Variants in TRERF1 observed in about 807,000 individuals in gnomAD.
TRERF1 encodes transcriptional-regulating factor 1.
Under a neutral mutation model 122.9 loss-of-function variants are expected in TRERF1, and 27 were observed. That is an observed-to-expected ratio of 0.22 (90% confidence interval 0.16 to 0.30). The LOEUF (loss-of-function observed/expected upper bound fraction) is 0.30, where lower values mean the gene tolerates loss of function less well. Ranked by LOEUF, TRERF1 falls within the 10% of genes least tolerant of loss-of-function variation. The probability of loss-of-function intolerance (pLI) is 1.00; values close to 1 mark genes in which losing one functional copy is unlikely to be tolerated. For synonymous variants in TRERF1, 636 were observed against 641.7 expected (o/e 0.99, Z 0.13); for missense variants, 1,248 against 1,560.3 (o/e 0.80, Z 3.37).
At chr6:42,387,269 T>G (rs965810604) in intron 2 of TRERF1, among the ~76,000 whole-genome samples, 1 of 152,208 alleles carries the variant, frequency 6.6e-6, no homozygotes, top group African/African-American at 2.4e-5. Flanking sequence ...AATACAAATC[T>G]AAGGAAATGC....
At position 42,254,847 on chromosome 6, in the gene TRERF1, C is replaced by CT; in HGVS notation, c.2656+3dup. On this transcript the variant is annotated splice_donor_region_variant and intron_variant, in intron 13 of 17. Coordinates refer to ENST00000372922, the Ensembl canonical transcript of TRERF1. ...AACAGGACACAGGGCTCCTGGCAACCTACCGGCATAGTGGTAATTTGCTAA... is the reference window on the plus strand; with the variant it reads ...AACAGGACACAGGGCTCCTGGCAACCTTACCGGCATAGTGGTAATTTGCTAA... 1 of 1,614,142 alleles carries CT rather than the reference C, an allele frequency of 6.2e-7. No homozygotes were observed. The highest frequency in any genetic ancestry group is 8.5e-7 in the Non-Finnish European group (1 of 1,179,986).
At chr6:42,343,995 C>T (rs920762181) in intron 3 of TRERF1, among the ~76,000 whole-genome samples, 2 of 152,222 alleles carry the variant, frequency 1.3e-5, no homozygotes, top group African/African-American at 4.8e-5. Context: ...ATTCCTGCCC[C>T]AACCATCCCT....
intron 2 of TRERF1, among the ~76,000 whole-genome samples, chr6:42,385,917 T>C (rs1776717531): frequency 6.6e-6 from 1 of 152,200 alleles, no homozygotes; most frequent in African/African-American, 2.4e-5. Flanking sequence ...GAGGTATGTG[T>C]TTTACAGTTG....
chr6:42,311,182 G>A (rs751124772), intron 3 of TRERF1, among the ~76,000 whole-genome samples: 5 of 152,202 alleles, frequency 3.3e-5, no homozygotes, highest in Non-Finnish European at 7.3e-5. Context: ...CAAGTAAGCA[G>A]GCATGTGTGC....
chr6:42,308,979 G>C (rs956843678), intron 3 of TRERF1, among the ~76,000 whole-genome samples: 3 of 152,012 alleles, frequency 2.0e-5, no homozygotes, highest in Non-Finnish European at 4.4e-5. Context: ...AATGACCGAT[G>C]GTTAATTTTA....
chr6:42,292,692 T>A (rs1197281222), intron 4 of TRERF1, among the ~76,000 whole-genome samples: 1 of 152,138 alleles, frequency 6.6e-6, no homozygotes, highest in Non-Finnish European at 1.5e-5. Context: ...TTTTCTACTT[T>A]CTGGGATATG....
intron 2 of TRERF1, among the ~76,000 whole-genome samples, chr6:42,415,777 T>G (rs983095751): frequency 6.6e-6 from 1 of 152,168 alleles, no homozygotes; most frequent in Admixed American, 6.5e-5. Flanking sequence ...ATGTTTACCA[T>G]GTATCAGAGC....
At chr6:42,334,063 A>G (rs1308792763) in intron 3 of TRERF1, among the ~76,000 whole-genome samples, 1 of 152,180 alleles carries the variant, frequency 6.6e-6, no homozygotes, top group Admixed American at 6.5e-5. Flanking sequence ...ATGTACATAT[A>G]CACATGCACA....
At chr6:42,357,136 C>A (rs1770719287) in intron 3 of TRERF1, among the ~76,000 whole-genome samples, 1 of 151,628 alleles carries the variant, frequency 6.6e-6, no homozygotes, top group Non-Finnish European at 1.5e-5. Flanking sequence ...CGAGACCAGC[C>A]TGACCAACAT....
chr6:42,290,741 CTTTTTTT>C (rs144168592), intron 4 of TRERF1, among the ~76,000 whole-genome samples: 36 of 92,402 alleles, frequency 3.9e-4, no homozygotes, highest in Admixed American at 1.1e-3. Context: ...CATTTCTTTC[CTTTTTTT>C]TTTTTTTTTT....
At chr6:42,408,311 T>TGTGTGTGTATGTATATATACATACA (rs1780581427) in intron 2 of TRERF1, among the ~76,000 whole-genome samples, 2 of 87,880 alleles carry the variant, frequency 2.3e-5, no homozygotes, top group Non-Finnish European at 4.2e-5. Flanking sequence ...ATATACATAC[T>TGTGTGTGTATGTATATATACATACA]CATGTGTGTG....
At chr6:42,303,540 A>G (rs1374358934) in intron 3 of TRERF1, among the ~76,000 whole-genome samples, 1 of 152,136 alleles carries the variant, frequency 6.6e-6, no homozygotes, top group African/African-American at 2.4e-5. Context: ...TTAGGAGAGA[A>G]GGCTCTTAAT....
In TRERF1 at chr6:42,256,894, A is replaced by G. The variant is rs967181815; in HGVS notation, c.2477-63T>C. 5 of 1,613,218 alleles carry G rather than the reference A, an allele frequency of 3.1e-6. No individual in the cohort carries two copies. The South Asian group carries it at 3.3e-5, about 11-fold the overall frequency. Reference sequence around the variant, plus strand: ...GCTGAGTGTAATGGAAAACACACCAATCCCAGAGCCAGTGATCTCAGTGAG... The same window carrying G: ...GCTGAGTGTAATGGAAAACACACCAGTCCCAGAGCCAGTGATCTCAGTGAG... On this transcript the variant is annotated intron_variant, in intron 11 of 17. Coordinates refer to ENST00000372922, the Ensembl canonical transcript of TRERF1.
At chr6:42,322,783 C>T (rs1318464735) in intron 3 of TRERF1, among the ~76,000 whole-genome samples, 1 of 152,070 alleles carries the variant, frequency 6.6e-6, no homozygotes, top group Non-Finnish European at 1.5e-5. Context: ...AAAAGATAGC[C>T]GTTGCCAGAA....
chr6:42,284,802 T>C (rs1406369756), intron 4 of TRERF1, among the ~76,000 whole-genome samples: 4 of 152,182 alleles, frequency 2.6e-5, no homozygotes, highest in Non-Finnish European at 5.9e-5. Context: ...GCTAGATGTC[T>C]CTGAACTATG....
chr6:42,423,648 G>GA (rs1292732767), intron 2 of TRERF1, among the ~76,000 whole-genome samples: 2 of 151,772 alleles, frequency 1.3e-5, no homozygotes, highest in Non-Finnish European at 2.9e-5. Flanking sequence ...GTGGTAATAA[G>GA]AAAAAAATAA....
chr6:42,436,195 C>T (rs778400112), intron 2 of TRERF1, among the ~76,000 whole-genome samples: 42 of 151,468 alleles, frequency 2.8e-4, no homozygotes, highest in Non-Finnish European at 5.3e-4. Context: ...AGTGAAACCT[C>T]GTCTCTACTA....
chr6:42,319,850 A>G (rs1301683549), intron 3 of TRERF1, among the ~76,000 whole-genome samples: 3 of 150,576 alleles, frequency 2.0e-5, no homozygotes, highest in Non-Finnish European at 4.4e-5. Context: ...CAATAGACAT[A>G]TAATAATATA....
chr6:42,373,687 C>G (rs1375199651), intron 2 of TRERF1, among the ~76,000 whole-genome samples: 1 of 151,490 alleles, frequency 6.6e-6, no homozygotes, highest in Non-Finnish European at 1.5e-5. Flanking sequence ...AAAAATTAGC[C>G]AGGCGTGGTG....
Sources: allele counts gnomAD v4.1 joint callset (sites outside exome capture counted in the v4.1 genomes callset), GRCh38; gene constraint gnomAD v4.1.1; transcripts MANE v1.5; gene names NCBI Gene and HGNC (gene_info 2026-07-23, HGNC 2026-07-21).